The following TTBK2 variants were observed in gnomAD, a reference collection of about 807,000 sequenced individuals.
TTBK2 encodes the protein tau tubulin kinase 2.
Under a neutral mutation model 110.8 loss-of-function variants are expected in TTBK2, and 28 were observed. That is an observed-to-expected ratio of 0.25 (90% CI 0.19 to 0.35). The LOEUF is 0.35. Among genes scored for constraint, TTBK2 ranks in the 10% least tolerant of loss-of-function variants. The probability of loss-of-function intolerance (pLI) is 1.00; values close to 1 mark genes in which losing one functional copy is unlikely to be tolerated. For missense variants in TTBK2, 1,369 were observed against 1,500.3 expected (o/e 0.91, Z 1.45); for synonymous variants, 532 against 527.3 (o/e 1.01, Z -0.12).
chr15:42,850,743 T>C (rs1306242233), intron 3 of TTBK2, among the ~76,000 whole-genome samples: 1 of 152,182 alleles, frequency 6.6e-6, no homozygotes, highest in Non-Finnish European at 1.5e-5. Flanking sequence ...TTGGACATTA[T>C]ATCTATGTGA....
intron 9 of TTBK2, chr15:42,802,335 G>A (rs1348999088): frequency 1.3e-6 from 1 of 770,090 alleles, no homozygotes; most frequent in Non-Finnish European, 2.4e-6. Context: ...CACTCGTGTA[G>A]GAGAGGCTGT....
intron 9 of TTBK2, 69 bp from the exon 10 acceptor site, chr15:42,794,870 G>A (rs1425357644): frequency 2.5e-6 from 4 of 1,585,758 alleles, no homozygotes; most frequent in East Asian, 4.5e-5. Flanking sequence ...ATAAGAGAAA[G>A]CACACCAGAC....
intron 3 of TTBK2, among the ~76,000 whole-genome samples, chr15:42,845,431 C>A (rs949241414): frequency 6.6e-6 from 1 of 151,582 alleles, no homozygotes; most frequent in Non-Finnish European, 1.5e-5. Context: ...TTTGGGAGGC[C>A]GAGGTGGGTG....
chr15:42,876,894 A>C (rs1165828899), intron 2 of TTBK2, among the ~76,000 whole-genome samples: 1 of 152,204 alleles, frequency 6.6e-6, no homozygotes, highest in African/African-American at 2.4e-5. Context: ...AAGACAATTT[A>C]AACATTTATA....
At chr15:42,794,560 T>C in intron 10 of TTBK2, 84 bp downstream of exon 10, 1 of 1,587,178 alleles carries the variant, frequency 6.3e-7, no homozygotes, top group Middle Eastern at 1.7e-4. Flanking sequence ...CATTTGGTCA[T>C]CTGAGGGAAT....
intron 12 of TTBK2, 142 bp from the exon 13 acceptor site, chr15:42,775,865 G>A (rs1889899672): frequency 1.6e-6 from 1 of 641,426 alleles, no homozygotes; most frequent in African/African-American, 1.8e-5. Context: ...TCACAGCATT[G>A]ATAATGCTCT....
chr15:42,844,767 CT>C (rs1201469394), intron 3 of TTBK2, among the ~76,000 whole-genome samples: 1 of 152,138 alleles, frequency 6.6e-6, no homozygotes, highest in Non-Finnish European at 1.5e-5. Flanking sequence ...ATTCCAGAGC[CT>C]TTGCTCTTAA....
At position 42,880,501 on chromosome 15, in the gene TTBK2, C is replaced by T. The variant is rs186572064; in HGVS notation, c.-67-1817G>A. On this transcript the variant is annotated intron_variant, in intron 1 of 14. Coordinates refer to ENST00000267890, the MANE Select transcript of TTBK2 (RefSeq NM_173500.4). ...TCCTGGGCTCAAGCAATCTTCCCAT[C>T]TCAGCCTCCCAAGGAGCTGGGACTA... Among the ~76,000 whole-genome samples the T allele has an allele frequency of 1.0e-3, 153 of 152,324 alleles. 1 individual carries two copies. The highest frequency in any genetic ancestry group is 3.6e-3 in the African/African-American group (151 of 41,572).
chr15:42,902,377 G>C (rs1264648639), intron 1 of TTBK2, among the ~76,000 whole-genome samples: 2 of 151,314 alleles, frequency 1.3e-5, no homozygotes, highest in Non-Finnish European at 2.9e-5. Flanking sequence ...AAAATTAGCC[G>C]GGCATGATGG....
chr15:42,809,004 G>A (rs1891594782), intron 9 of TTBK2, among the ~76,000 whole-genome samples: 1 of 152,244 alleles, frequency 6.6e-6, no homozygotes, highest in Non-Finnish European at 1.5e-5. Context: ...TTCTCAAGAT[G>A]AAGACTGAGT....
At chr15:42,840,969 C>T (rs1291132143) in intron 3 of TTBK2, among the ~76,000 whole-genome samples, 1 of 152,068 alleles carries the variant, frequency 6.6e-6, no homozygotes, top group East Asian at 1.9e-4. Flanking sequence ...AGCAGGGGTA[C>T]AGCAGAAATC....
At chr15:42,783,855 A>G (rs1890289577) in intron 10 of TTBK2, among the ~76,000 whole-genome samples, 1 of 152,052 alleles carries the variant, frequency 6.6e-6, no homozygotes. Flanking sequence ...TGAGGTCAGG[A>G]GTTCAAGACC....
At chr15:42,755,401 T>G (rs1200682410) in intron 13 of TTBK2, among the ~76,000 whole-genome samples, 2 of 152,204 alleles carry the variant, frequency 1.3e-5, no homozygotes, top group Non-Finnish European at 2.9e-5. Context: ...CAGGGTCAGC[T>G]AAGATGTTCA....
intron 4 of TTBK2, among the ~76,000 whole-genome samples, chr15:42,831,847 TTCCCAC>T (rs1179622956): frequency 6.6e-6 from 1 of 152,210 alleles, no homozygotes; most frequent in East Asian, 1.9e-4. Context: ...TCCCAATCTA[TTCCCAC>T]AATTTTATAA....
chr15:42,918,189 T>G (rs1324951255), intron 1 of TTBK2, among the ~76,000 whole-genome samples: 1 of 152,012 alleles, frequency 6.6e-6, no homozygotes, highest in South Asian at 2.1e-4. Context: ...TCAGTCTCCC[T>G]AGTAGCTGGA....
chr15:42,825,795 G>A (rs1892508313), intron 6 of TTBK2, among the ~76,000 whole-genome samples: 1 of 152,124 alleles, frequency 6.6e-6, no homozygotes, highest in Non-Finnish European at 1.5e-5. Flanking sequence ...GCCACATGTA[G>A]CTAGTGGCTA....
intron 13 of TTBK2, among the ~76,000 whole-genome samples, chr15:42,763,157 C>CATATATATATATATATATATATAT (rs1567008803): frequency 4.9e-5 from 1 of 20,464 alleles, no homozygotes; most frequent in African/African-American, 2.1e-4. Flanking sequence ...TATATATATA[C>CATATATATATATATATATATATAT]ATATATATAT....
At chr15:42,879,518 C>T (rs911013245) in intron 1 of TTBK2, among the ~76,000 whole-genome samples, 8 of 152,004 alleles carry the variant, frequency 5.3e-5, no homozygotes, top group Non-Finnish European at 1.0e-4. Flanking sequence ...GTAAATATTT[C>T]GGTCCCTAGG....
At chr15:42,887,983 T>G (rs1895311935) in intron 1 of TTBK2, among the ~76,000 whole-genome samples, 1 of 152,162 alleles carries the variant, frequency 6.6e-6, no homozygotes, top group Non-Finnish European at 1.5e-5. Flanking sequence ...CAATCCCTTC[T>G]ATGAAATAAC....
Sources: allele counts gnomAD v4.1 joint callset (sites outside exome capture counted in the v4.1 genomes callset), GRCh38; gene constraint gnomAD v4.1.1; transcripts MANE v1.5; gene names NCBI Gene and HGNC (gene_info 2026-07-23, HGNC 2026-07-21).